Variants in NDRG1 observed in about 807,000 individuals in gnomAD.
NDRG1 encodes the protein protein NDRG1.
In NDRG1, 32 loss-of-function variants were observed where a neutral mutation model predicts 56.9. The ratio of observed to expected loss-of-function variants is 0.56; its 90% CI spans 0.42 to 0.76. The LOEUF (loss-of-function observed/expected upper bound fraction) is 0.76, where lower values mean the gene tolerates loss of function less well. NDRG1 is among the 30% of genes least tolerant of loss of function. The pLI is 0.00. For synonymous variants in NDRG1, 211 were observed against 204.1 expected (o/e 1.03, Z -0.29); for missense variants, 507 against 545.7 (o/e 0.93, Z 0.71).
chr8:133,272,079 A>G (rs1857220380), intron 3 of NDRG1, among the ~76,000 whole-genome samples: 1 of 152,204 alleles, frequency 6.6e-6, no homozygotes, highest in African/African-American at 2.4e-5. Flanking sequence ...AAGACCTTCA[A>G]GAGGTCAAGC....
chr8:133,292,986 T>G (rs527348535), intron 1 of NDRG1, among the ~76,000 whole-genome samples: 1 of 152,180 alleles, frequency 6.6e-6, no homozygotes, highest in East Asian at 1.9e-4. Context: ...AAGTCAAAGA[T>G]CTGGGTCAAA....
intron 1 of NDRG1, among the ~76,000 whole-genome samples, chr8:133,286,714 A>AT (rs1444408442): frequency 2.0e-5 from 3 of 151,958 alleles, no homozygotes; most frequent in Non-Finnish European, 4.4e-5. Flanking sequence ...ACTAGGGGGG[A>AT]TTTTCTCTCC....
chr8:133,293,098 C>T (rs1366302871), intron 1 of NDRG1, among the ~76,000 whole-genome samples: 1 of 152,220 alleles, frequency 6.6e-6, no homozygotes, highest in Admixed American at 6.5e-5. Flanking sequence ...ACATGGCCCC[C>T]ACCCCGAGAA....
chr8:133,282,552 T>C (rs1857867770), intron 2 of NDRG1, among the ~76,000 whole-genome samples: 3 of 152,248 alleles, frequency 2.0e-5, no homozygotes, highest in South Asian at 2.1e-4. Flanking sequence ...ATTTGTTCTA[T>C]CTAGAAGTTT....
chr8:133,280,205 G>A, intron 3 of NDRG1, 27 bp downstream of exon 3: 2 of 1,613,506 alleles, frequency 1.2e-6, no homozygotes, highest in Non-Finnish European at 1.7e-6. Context: ...ATGAGGAAGG[G>A]GAAGGAAAGC....
intron 3 of NDRG1, among the ~76,000 whole-genome samples, chr8:133,274,878 A>G (rs939336162): frequency 1.3e-5 from 2 of 152,138 alleles, no homozygotes; most frequent in Non-Finnish European, 2.9e-5. Context: ...TCTGTAAAGG[A>G]AGGATGATGG....
intron 9 of NDRG1, among the ~76,000 whole-genome samples, chr8:133,251,156 G>A (rs1856012624): frequency 6.6e-6 from 1 of 152,198 alleles, no homozygotes; most frequent in Non-Finnish European, 1.5e-5. Flanking sequence ...CCAGAGCCTT[G>A]GGGAAGTCGG....
rs948861726 is a variant in NDRG1, at chr8:133,254,720, A to G, written c.538-125T>C. 4 of 925,956 alleles carry G rather than the reference A, an allele frequency of 4.3e-6. No homozygotes were observed. In the African/African-American group the frequency reaches 6.6e-5, roughly 15 times the overall value. 57.4% of individuals were successfully genotyped at this position (925,956 alleles called of 1,614,324 possible). On this transcript the variant is annotated intron_variant, in intron 8 of 15. Transcript: ENST00000323851. ...GACTCCCCCCTACATGCAGGCCTCA[A>G]GGACATCCCCCTTGATAGAAACTCA...
In NDRG1 at chr8:133,297,235, G is replaced by A. The variant is rs11575971; in HGVS notation, c.-120C>T. The A allele has an allele frequency of 0.028, 4,260 of 152,338 alleles. 90 individuals are homozygous for A. The highest frequency in any genetic ancestry group is 0.042 in the Non-Finnish European group (2,863 of 68,082). 9.4% of individuals were successfully genotyped at this position (152,338 alleles called of 1,614,324 possible). A position where few individuals can be genotyped will look rare whatever the true frequency, so the allele number is the denominator to read the frequency against. On this transcript the variant is annotated 5_prime_UTR_variant, in exon 1 of 16. Transcript: ENST00000323851. Reference sequence around the variant, plus strand: ...GAACTGACGAGCTTCAGCACCAGCTGGGAGCCAGGCGAGGTTTGTTTACGT... The same window carrying A: ...GAACTGACGAGCTTCAGCACCAGCTAGGAGCCAGGCGAGGTTTGTTTACGT...
chr8:133,246,059 G>A (rs1321498540), intron 13 of NDRG1, among the ~76,000 whole-genome samples: 2 of 152,248 alleles, frequency 1.3e-5, no homozygotes, highest in East Asian at 3.8e-4. Flanking sequence ...CACCCCGGCT[G>A]AGAGGCCCCT....
At chr8:133,292,734 A>T (rs1469132807) in intron 1 of NDRG1, among the ~76,000 whole-genome samples, 1 of 152,114 alleles carries the variant, frequency 6.6e-6, no homozygotes, top group Non-Finnish European at 1.5e-5. Context: ...CTGGGCCCCC[A>T]CCCACCTCTC....
intron 2 of NDRG1, among the ~76,000 whole-genome samples, chr8:133,282,399 A>G (rs1203114986): frequency 6.6e-6 from 1 of 152,252 alleles, no homozygotes; most frequent in East Asian, 1.9e-4. Context: ...GTGGAATACT[A>G]TGTACCTAAA....
At position 133,287,866 on chromosome 8, in the gene NDRG1, T is replaced by A. The variant is rs142746338; in HGVS notation, c.-18-3537A>T. Among the ~76,000 whole-genome samples the A allele has an allele frequency of 4.3e-4, 65 of 152,348 alleles. 1 individual carries two copies. The highest frequency in any genetic ancestry group is 1.5e-3 in the African/African-American group (64 of 41,582). ...CCTCCTCTGGAATAGCTGATTTTAG[T>A]AATTCCTAGTAGGTAACAGTATCCA... On this transcript the variant is annotated intron_variant, in intron 1 of 15. Transcript: ENST00000323851.
At chr8:133,261,711 C>T (rs1401611691) in intron 5 of NDRG1, among the ~76,000 whole-genome samples, 5 of 152,196 alleles carry the variant, frequency 3.3e-5, no homozygotes, top group Non-Finnish European at 5.9e-5. Context: ...CCTATCGTAA[C>T]GCCAGCCTTG....
At chr8:133,239,411 G>C (rs1162463607) in intron 15 of NDRG1, 21 of 579,590 alleles carry the variant, frequency 3.6e-5, no homozygotes, top group Non-Finnish European at 5.9e-5. Context: ...TTTTGAGAGT[G>C]TCCCCCTGAG....
At chr8:133,260,325 G>A (rs931810928) in intron 5 of NDRG1, among the ~76,000 whole-genome samples, 1 of 152,154 alleles carries the variant, frequency 6.6e-6, no homozygotes, top group Non-Finnish European at 1.5e-5. Flanking sequence ...CACCCTTAAA[G>A]GGCCTGGGAG....
intron 12 of NDRG1, 47 bp downstream of exon 12, chr8:133,247,828 T>C (rs199568353): frequency 6.2e-7 from 1 of 1,603,152 alleles, no homozygotes; most frequent in South Asian, 1.1e-5. Flanking sequence ...TCAACCAGAC[T>C]TTGCCTGTTG....
intron 1 of NDRG1, among the ~76,000 whole-genome samples, chr8:133,292,141 A>T (rs1002752514): frequency 6.6e-6 from 1 of 152,148 alleles, no homozygotes; most frequent in Non-Finnish European, 1.5e-5. Context: ...TCCTTAGAGG[A>T]TTATTTTGTG....
chr8:133,292,109 A>C (rs1858462579), intron 1 of NDRG1, among the ~76,000 whole-genome samples: 2 of 152,234 alleles, frequency 1.3e-5, no homozygotes, highest in Non-Finnish European at 2.9e-5. Context: ...AATAACTGGA[A>C]GTCCAAAGGA....
Sources: allele counts gnomAD v4.1 joint callset (sites outside exome capture counted in the v4.1 genomes callset), GRCh38; gene constraint gnomAD v4.1.1; transcripts MANE v1.5; gene names NCBI Gene and HGNC (gene_info 2026-07-23, HGNC 2026-07-21).